COL23A1: variants seen among roughly 807,000 people sequenced by gnomAD.
The protein encoded by COL23A1 is collagen alpha-1(XXIII) chain.
COL23A1 carries 97 observed loss-of-function variants against 99.3 expected under a neutral mutation model. The observed-to-expected ratio is 0.98, with a 90% CI of 0.83 to 1.16. The LOEUF (loss-of-function observed/expected upper bound fraction) is 1.16, where lower values mean the gene tolerates loss of function less well. COL23A1 is among the 50% of genes most tolerant of loss of function. COL23A1 has a pLI of 0.00. For synonymous variants in COL23A1, 320 were observed against 308.2 expected, an observed-to-expected ratio of 1.04 and a Z score of -0.40; for missense variants, 762 against 757.4, an observed-to-expected ratio of 1.01 and a Z score of -0.07.
At chr5:178,397,458 A>G (rs1463371172) in intron 2 of COL23A1, among the ~76,000 whole-genome samples, 3 of 152,218 alleles carry the variant, frequency 2.0e-5, no homozygotes, top group Non-Finnish European at 4.4e-5. Flanking sequence ...TTAACGAAGA[A>G]GCCAAAGTCA....
chr5:178,366,417 C>T lies in COL23A1; in HGVS notation c.362-59498G>A, dbSNP rs147573322. 5.2e-4 allele frequency among the ~76,000 whole-genome samples: 79 copies of T among 152,326 alleles called. No individual in the cohort carries two copies. The highest frequency in any genetic ancestry group is 1.8e-3 in the African/African-American group (74 of 41,578). On this transcript the variant is annotated intron_variant, in intron 2 of 28. Transcript: ENST00000390654. The surrounding 1 kb of genome is among the most constrained non-coding windows in gnomAD (Gnocchi z 4.4). ...GGGGTCTGTCTTCCCAGCTCCCATC[C>T]GCCCTTCCCTGCATCCTCCTGGGCT...
chr5:178,339,501 G>A (rs1760532754), intron 2 of COL23A1, among the ~76,000 whole-genome samples: 1 of 152,222 alleles, frequency 6.6e-6, no homozygotes, highest in Admixed American at 6.5e-5. Flanking sequence ...CTGACCAGCA[G>A]GCAGCTGAAG....
In COL23A1 at chr5:178,247,564, G is replaced by T; in HGVS notation, c.1270-12C>A. 6.2e-7 allele frequency: 1 copy of T among 1,613,984 alleles called. No homozygotes were observed. The highest frequency in any genetic ancestry group is 8.5e-7 in the Non-Finnish European group (1 of 1,179,870). On this transcript the variant is annotated splice_polypyrimidine_tract_variant and intron_variant, in intron 21 of 28. Transcript: ENST00000390654. ...ATTCCCTGGAGGCCCTGCAGGAGGA[G>T]GAAGCAGATAAGAAGGCTGGCTCCG...
intron 1 of COL23A1, among the ~76,000 whole-genome samples, chr5:178,565,122 A>G (rs935349522): frequency 3.3e-5 from 5 of 151,690 alleles, no homozygotes; most frequent in Non-Finnish European, 7.4e-5. Context: ...AAATGTCTAC[A>G]TTGACGTAGA....
At chr5:178,520,002 T>C (rs1468754165) in intron 2 of COL23A1, among the ~76,000 whole-genome samples, 1 of 151,800 alleles carries the variant, frequency 6.6e-6, no homozygotes, top group Non-Finnish European at 1.5e-5. Context: ...TGGAAGATGG[T>C]CAGATGGATA....
rs1756840732 is a variant in COL23A1 at position 178,280,524 on chromosome 5, G to A, written c.441+7800C>T. ...CGTGCCAGCCCTGGGTCCTGGTCGGGGGCAGCTTCATACCAAAATCACTGC... is the reference window on the plus strand; with the variant it reads ...CGTGCCAGCCCTGGGTCCTGGTCGGAGGCAGCTTCATACCAAAATCACTGC... On this transcript the variant is annotated intron_variant, in intron 5 of 28. Coordinates refer to ENST00000390654, the MANE Select transcript of COL23A1 (RefSeq NM_173465.4). The surrounding 1 kb of genome is among the most constrained non-coding windows in gnomAD (Gnocchi z 4.9). Among the ~76,000 whole-genome samples, 1 of 152,092 alleles carries A rather than the reference G, an allele frequency of 6.6e-6. No homozygotes were observed. The highest frequency in any genetic ancestry group is 2.4e-5 in the African/African-American group (1 of 41,414).
chr5:178,249,047 CG>C, intron 19 of COL23A1, 69 bp downstream of exon 19: 1 of 1,504,202 alleles, frequency 6.6e-7, no homozygotes. Context: ...CCCCACAGCA[CG>C]GGGGGCACAC....
intron 2 of COL23A1, among the ~76,000 whole-genome samples, chr5:178,402,431 G>A (rs1764500868): frequency 6.6e-6 from 1 of 152,168 alleles, no homozygotes; most frequent in Non-Finnish European, 1.5e-5. Context: ...GGAATGGGAT[G>A]AGGAGAGGTT....
At chr5:178,449,448 C>T (rs1034106624) in intron 2 of COL23A1, among the ~76,000 whole-genome samples, 4 of 152,200 alleles carry the variant, frequency 2.6e-5, no homozygotes, top group South Asian at 2.1e-4. Flanking sequence ...AGAGGTTTCT[C>T]GCTCACAACC....
intron 2 of COL23A1, among the ~76,000 whole-genome samples, chr5:178,479,645 G>A (rs1322392487): frequency 6.6e-6 from 1 of 152,210 alleles, no homozygotes; most frequent in Non-Finnish European, 1.5e-5. Flanking sequence ...AATTGGGGTT[G>A]AAATTCTGTA....
chr5:178,555,327 T>C (rs570725088), intron 2 of COL23A1, among the ~76,000 whole-genome samples: 2 of 152,240 alleles, frequency 1.3e-5, no homozygotes, highest in South Asian at 2.1e-4. Flanking sequence ...GTTCAACCCA[T>C]AACACTCCCC....
At chr5:178,466,813 G>A (rs1167645415) in intron 2 of COL23A1, among the ~76,000 whole-genome samples, 2 of 152,224 alleles carry the variant, frequency 1.3e-5, no homozygotes, top group Non-Finnish European at 2.9e-5. Context: ...TGGCCAGGTG[G>A]AAGGACAGCC....
At chr5:178,582,612 G>A (rs1425086998) in intron 1 of COL23A1, among the ~76,000 whole-genome samples, 3 of 152,178 alleles carry the variant, frequency 2.0e-5, no homozygotes, top group Admixed American at 2.0e-4. Context: ...AGCCAGAACT[G>A]AGGCTCAGAG....
intron 2 of COL23A1, among the ~76,000 whole-genome samples, chr5:178,344,043 T>C (rs182903598): frequency 1.1e-4 from 17 of 152,302 alleles, no homozygotes; most frequent in Non-Finnish European, 1.9e-4. Flanking sequence ...CCCTAATTTT[T>C]ACATTATGCC....
At chr5:178,487,387 G>A (rs927647767) in intron 2 of COL23A1, among the ~76,000 whole-genome samples, 9 of 151,596 alleles carry the variant, frequency 5.9e-5, no homozygotes, top group African/African-American at 9.7e-5. Context: ...TGGTGTGATC[G>A]CAGCTCACTG....
At chr5:178,413,233 A>T (rs944919037) in intron 2 of COL23A1, among the ~76,000 whole-genome samples, 2 of 152,248 alleles carry the variant, frequency 1.3e-5, no homozygotes, top group Admixed American at 6.5e-5. Flanking sequence ...TCTGATGCTT[A>T]GAACCATGGA....
chr5:178,571,080 G>A (rs1340929429), intron 1 of COL23A1, among the ~76,000 whole-genome samples: 2 of 152,064 alleles, frequency 1.3e-5, no homozygotes, highest in African/African-American at 4.8e-5. Context: ...ACTGAGGAGA[G>A]GCATGGCACT....
chr5:178,438,758 A>C (rs138546520), intron 2 of COL23A1: 28 of 152,362 alleles, frequency 1.8e-4, no homozygotes, highest in African/African-American at 6.3e-4. Context: ...GAGCGAGAGA[A>C]TCAAGAACAC....
chr5:178,269,076 C>T (rs1756074794), intron 6 of COL23A1, among the ~76,000 whole-genome samples: 1 of 152,162 alleles, frequency 6.6e-6, no homozygotes, highest in South Asian at 2.1e-4. Flanking sequence ...CCCTACTGCT[C>T]AGCACCCGCC....
Sources: gnomAD v4.1 joint callset for allele counts (sites outside exome capture counted in the v4.1 genomes callset) on GRCh38, gnomAD v4.1.1 for gene constraint, Gnocchi (gnomAD v3.1) non-coding constraint, MANE v1.5 for transcripts, NCBI Gene and HGNC (gene_info 2026-07-23, HGNC 2026-07-21) for gene names.